The following LRP1B variants were observed in gnomAD, a reference collection of about 807,000 sequenced individuals.
The protein encoded by LRP1B is low-density lipoprotein receptor-related protein 1B.
LRP1B carries 217 observed loss-of-function variants against 556.6 expected under a neutral mutation model. The ratio of observed to expected loss-of-function variants is 0.39; its 90% CI spans 0.35 to 0.44. LRP1B has a LOEUF of 0.44. Ranked by LOEUF, LRP1B falls within the 20% of genes least tolerant of loss-of-function variation. The probability of loss-of-function intolerance (pLI) is 1.00; values close to 1 mark genes in which losing one functional copy is unlikely to be tolerated. For synonymous variants in LRP1B, 2,047 were observed against 1,865.8 expected (o/e 1.10, Z -2.50); for missense variants, 5,053 against 5,620.8 (o/e 0.90, Z 3.23).
chr2:140,326,720 G>T (rs1163631306), intron 79 of LRP1B, among the ~76,000 whole-genome samples: 11 of 151,968 alleles, frequency 7.2e-5, no homozygotes, highest in African/African-American at 2.7e-4. Flanking sequence ...AATGTTTATG[G>T]TAGGGAAGAA....
chr2:141,046,088 T>C (rs1434061691), intron 11 of LRP1B, among the ~76,000 whole-genome samples: 1 of 152,086 alleles, frequency 6.6e-6, no homozygotes, highest in Non-Finnish European at 1.5e-5. Context: ...AATCAAATAA[T>C]GAATAAAGAT....
At chr2:140,610,399 C>T (rs1683027156) in intron 41 of LRP1B, among the ~76,000 whole-genome samples, 1 of 152,046 alleles carries the variant, frequency 6.6e-6, no homozygotes, top group Admixed American at 6.6e-5. Flanking sequence ...TTTCTGAATC[C>T]ACTGAATGCA....
At chr2:140,739,933 A>T (rs1422623244) in intron 35 of LRP1B, among the ~76,000 whole-genome samples, 1 of 152,194 alleles carries the variant, frequency 6.6e-6, no homozygotes, top group African/African-American at 2.4e-5. Context: ...GCTCAACATC[A>T]CTAATGATCA....
chr2:142,014,321 A>C (rs1474695729), intron 1 of LRP1B, among the ~76,000 whole-genome samples: 2 of 152,170 alleles, frequency 1.3e-5, no homozygotes, highest in Non-Finnish European at 2.9e-5. Context: ...ATGTTGATGA[A>C]ATCTGTTTGC....
intron 2 of LRP1B, among the ~76,000 whole-genome samples, chr2:141,622,691 T>C (rs1688545411): frequency 6.6e-6 from 1 of 152,200 alleles, no homozygotes; most frequent in South Asian, 2.1e-4. Context: ...TCTCTGCAAA[T>C]AATATCAGCC....
chr2:141,475,499 G>A (rs1431320868), intron 3 of LRP1B, among the ~76,000 whole-genome samples: 1 of 152,132 alleles, frequency 6.6e-6, no homozygotes, highest in East Asian at 1.9e-4. Context: ...ATCCTGGGTA[G>A]AAGAGAGCAG....
intron 43 of LRP1B, among the ~76,000 whole-genome samples, chr2:140,569,466 A>G (rs1681244379): frequency 6.6e-6 from 1 of 151,916 alleles, no homozygotes; most frequent in South Asian, 2.1e-4. Flanking sequence ...AAAAGAGACA[A>G]AGAAGGTCAT....
chr2:140,498,021 A>T (rs1689024480), intron 55 of LRP1B, among the ~76,000 whole-genome samples: 1 of 151,932 alleles, frequency 6.6e-6, no homozygotes, highest in African/African-American at 2.4e-5. Flanking sequence ...TCAAATAATA[A>T]AAAGACATCT....
chr2:141,527,548 A>C (rs1684731091), intron 2 of LRP1B, among the ~76,000 whole-genome samples: 1 of 152,044 alleles, frequency 6.6e-6, no homozygotes. Flanking sequence ...ACCTATACAA[A>C]TGGAATTCCA....
chr2:141,503,429 A>ATCTGAGAG (rs1397184757), intron 2 of LRP1B, among the ~76,000 whole-genome samples: 1 of 151,878 alleles, frequency 6.6e-6, no homozygotes, highest in Admixed American at 6.6e-5. Flanking sequence ...AGAATAAGAA[A>ATCTGAGAG]TCTGAGAGTC....
chr2:141,813,619 G>T lies in LRP1B; in HGVS notation c.83-3218C>A, dbSNP rs535914002. 1.1e-4 allele frequency among the ~76,000 whole-genome samples: 16 copies of T among 151,906 alleles called. No homozygotes were observed. In the South Asian group the frequency reaches 2.9e-3, roughly 28 times the overall value. ...ACAAACAAACAAAAAACAGGATGGA[G>T]GACCACTAAAAAATTCTGAGGAGTG... On this transcript the variant is annotated intron_variant, in intron 1 of 90. Coordinates refer to ENST00000389484, the MANE Select transcript of LRP1B (RefSeq NM_018557.3).
intron 1 of LRP1B, among the ~76,000 whole-genome samples, chr2:141,895,116 A>C (rs1699413346): frequency 6.6e-6 from 1 of 152,060 alleles, no homozygotes; most frequent in South Asian, 2.1e-4. Flanking sequence ...GATCTAACTA[A>C]TTTGAACAAA....
chr2:141,311,418 G>C (rs1263061794), intron 3 of LRP1B, among the ~76,000 whole-genome samples: 1 of 151,590 alleles, frequency 6.6e-6, no homozygotes, highest in East Asian at 2.0e-4. Flanking sequence ...TTCTTTGGTG[G>C]TTTTACCAAC....
intron 33 of LRP1B, among the ~76,000 whole-genome samples, chr2:140,771,272 T>A (rs967489263): frequency 1.3e-5 from 2 of 152,096 alleles, no homozygotes; most frequent in East Asian, 3.9e-4. Flanking sequence ...GTCATAAATA[T>A]TTTCATAGAC....
chr2:141,976,255 A>G (rs867804099), intron 1 of LRP1B, among the ~76,000 whole-genome samples: 1 of 152,170 alleles, frequency 6.6e-6, no homozygotes, highest in Non-Finnish European at 1.5e-5. Context: ...GCAAAACTAA[A>G]GAACATCAAA....
chr2:141,978,572 G>T (rs1701951158), intron 1 of LRP1B, among the ~76,000 whole-genome samples: 1 of 151,690 alleles, frequency 6.6e-6, no homozygotes, highest in South Asian at 2.1e-4. Flanking sequence ...TTTTATCCAA[G>T]GTATGAAAAT....
intron 41 of LRP1B, among the ~76,000 whole-genome samples, chr2:140,630,786 C>T (rs148518460): frequency 0.015 from 2,208 of 152,248 alleles, 63 homozygotes; most frequent in African/African-American, 0.049. Flanking sequence ...AGAGCCCTAT[C>T]AAATGCTGGA....
chr2:141,544,381 T>TCTTCTTCTTCTTCTTCTTCTTCTC (rs1685463294), intron 2 of LRP1B, among the ~76,000 whole-genome samples: 23 of 79,784 alleles, frequency 2.9e-4, no homozygotes, highest in African/African-American at 9.6e-4. Flanking sequence ...TTCTTCTTCT[T>TCTTCTTCTTCTTCTTCTTCTTCTC]CTCCTCCTCC....
intron 41 of LRP1B, among the ~76,000 whole-genome samples, chr2:140,621,959 A>G (rs1039466824): frequency 6.6e-6 from 1 of 152,240 alleles, no homozygotes; most frequent in Admixed American, 6.5e-5. Flanking sequence ...ACCCGGAAGA[A>G]ATCATGTAGG....
Sources: allele counts gnomAD v4.1 joint callset (sites outside exome capture counted in the v4.1 genomes callset), GRCh38; gene constraint gnomAD v4.1.1; transcripts MANE v1.5; gene names NCBI Gene and HGNC (gene_info 2026-07-23, HGNC 2026-07-21).